Variants in CAMKMT observed in about 807,000 individuals in gnomAD.
CAMKMT encodes CaM KMT.
A neutral mutation model predicts 48.0 loss-of-function variants in CAMKMT; 53 were observed. The observed-to-expected ratio is 1.10, with a 90% confidence interval of 0.89 to 1.39. CAMKMT has a LOEUF of 1.39. Ranked by LOEUF, CAMKMT falls within the 40% of genes most tolerant of loss-of-function variation. The pLI, the probability that CAMKMT is intolerant of heterozygous loss-of-function variation, is 0.00. For synonymous variants in CAMKMT, 165 were observed against 152.3 expected (o/e 1.08, Z -0.61); for missense variants, 428 against 402.7 (o/e 1.06, Z -0.54).
At chr2:44,646,247 C>T (rs1673723004) in intron 3 of CAMKMT, among the ~76,000 whole-genome samples, 1 of 152,070 alleles carries the variant, frequency 6.6e-6, no homozygotes, top group African/African-American at 2.4e-5. Context: ...AATATGGATT[C>T]CAGCTAGCAG....
chr2:44,558,983 G>GGATAGATA lies in CAMKMT; in HGVS notation c.377-145283_377-145276dup, dbSNP rs57423310. 8.4e-4 allele frequency among the ~76,000 whole-genome samples: 127 copies of GGATAGATA among 151,598 alleles called. 1 individual carries two copies. The highest frequency in any genetic ancestry group is 2.9e-3 in the African/African-American group (120 of 41,192). ...TGTGTGTGTGTGTGTATGTATGTAT[G>GGATAGATA]GATAGATAGATAGATAGATAGATAA... On this transcript the variant is annotated intron_variant, in intron 3 of 10. Coordinates refer to ENST00000378494, the MANE Select transcript of CAMKMT (RefSeq NM_024766.5).
chr2:44,397,275 G>A (rs891170202), intron 3 of CAMKMT, among the ~76,000 whole-genome samples: 8 of 152,086 alleles, frequency 5.3e-5, no homozygotes, highest in African/African-American at 1.4e-4. Context: ...TTTGGGAATA[G>A]AAAATTTATA....
intron 3 of CAMKMT, among the ~76,000 whole-genome samples, chr2:44,606,477 C>T (rs575938577): frequency 3.3e-5 from 5 of 152,298 alleles, no homozygotes; most frequent in African/African-American, 2.4e-5. Context: ...GATCCACAGA[C>T]TGGTACTAGC....
intron 3 of CAMKMT, among the ~76,000 whole-genome samples, chr2:44,445,646 T>TTTTG (rs1666942988): frequency 6.6e-4 from 1 of 1,504 alleles, no homozygotes; most frequent in Admixed American, 8.9e-3. Context: ...AAAAGGGTAG[T>TTTTG]TTTTTTTTTT....
chr2:44,699,674 C>G (rs543614389), intron 3 of CAMKMT, among the ~76,000 whole-genome samples: 11 of 152,098 alleles, frequency 7.2e-5, no homozygotes, highest in African/African-American at 2.4e-4. Context: ...ATATTCAATC[C>G]TAGCCCACTA....
chr2:44,547,182 A>T (rs1244269071), intron 3 of CAMKMT, among the ~76,000 whole-genome samples: 5 of 152,212 alleles, frequency 3.3e-5, no homozygotes. Flanking sequence ...GACATTTTCC[A>T]GGTACACAAA....
At chr2:44,446,970 T>G (rs1667036834) in intron 3 of CAMKMT, among the ~76,000 whole-genome samples, 1 of 152,252 alleles carries the variant, frequency 6.6e-6, no homozygotes, top group Non-Finnish European at 1.5e-5. Context: ...TAGTCTATAC[T>G]TGATTACCCA....
rs61744230 is a variant in CAMKMT at position 44,372,799 on chromosome 2, A to T, written c.222A>T (p.Thr74=). ...RFESFNLFSV[T]EGKERETEEE... is the part of the protein sequence containing the mutation. ...AATCATTTAATCTGTTTTCAGTAAC[A>T]GAAGGCAAAGAAAGGGAAACTGAAG... Residue 74 remains threonine, a synonymous_variant, in exon 2 of 11, where the codon ACA becomes ACT. Transcript: ENST00000378494. The T allele has an allele frequency of 3.7e-6, 6 of 1,613,912 alleles. No homozygotes were observed. In the African/African-American group the frequency reaches 8.0e-5, roughly 22 times the overall value.
At chr2:44,604,558 G>GTTT (rs34125010) in intron 3 of CAMKMT, among the ~76,000 whole-genome samples, 8,773 of 143,290 alleles carry the variant, frequency 0.061, 284 homozygotes, top group Non-Finnish European at 0.071. Context: ...AGCCAATCTG[G>GTTT]TTTTTTTTTT....
intron 3 of CAMKMT, among the ~76,000 whole-genome samples, chr2:44,665,995 C>T (rs579119): frequency 0.64 from 97,212 of 152,040 alleles, 31,645 homozygotes; most frequent in Middle Eastern, 0.71. Flanking sequence ...AGGAAAAACA[C>T]GGAGATAATG....
intron 3 of CAMKMT, among the ~76,000 whole-genome samples, chr2:44,588,436 AG>A (rs1670035213): frequency 4.2e-3 from 2 of 476 alleles, no homozygotes; most frequent in Non-Finnish European, 7.1e-3. Context: ...GGGGGGGGTC[AG>A]GCCCCTGCCC....
intron 3 of CAMKMT, among the ~76,000 whole-genome samples, chr2:44,459,354 CCTT>C (rs1667736514): frequency 6.6e-6 from 1 of 151,744 alleles, no homozygotes; most frequent in South Asian, 2.1e-4. Context: ...ACATTAAATC[CCTT>C]CTTATTATGG....
chr2:44,635,459 C>T (rs149334243), intron 3 of CAMKMT, among the ~76,000 whole-genome samples: 164 of 152,018 alleles, frequency 1.1e-3, no homozygotes, highest in African/African-American at 3.8e-3. Flanking sequence ...TAAAATACAC[C>T]AAAAAATATA....
intron 3 of CAMKMT, among the ~76,000 whole-genome samples, chr2:44,461,347 A>T (rs1667840056): frequency 6.6e-6 from 1 of 152,150 alleles, no homozygotes; most frequent in African/African-American, 2.4e-5. Context: ...ATTAAAAAAA[A>T]CCTCTAAAGA....
Position 44,530,295 on chromosome 2 carries a change from A to G in CAMKMT, c.376+139990A>G, listed in dbSNP as rs141399831. ...GTATTATCTGTTATATAGCATATCAATAACAAGTGTGATGCTTTGAAAACA... is the reference window on the plus strand; with the variant it reads ...GTATTATCTGTTATATAGCATATCAGTAACAAGTGTGATGCTTTGAAAACA... On this transcript the variant is annotated intron_variant, in intron 3 of 10. Coordinates refer to ENST00000378494, the MANE Select transcript of CAMKMT (RefSeq NM_024766.5). Among the ~76,000 whole-genome samples the G allele has an allele frequency of 4.6e-5, 7 of 152,370 alleles. No individual in the cohort carries two copies. In the East Asian group the frequency reaches 7.7e-4, roughly 17 times the overall value.
intron 2 of CAMKMT, among the ~76,000 whole-genome samples, chr2:44,387,032 A>G (rs1431728080): frequency 6.6e-6 from 1 of 152,122 alleles, no homozygotes; most frequent in Non-Finnish European, 1.5e-5. Flanking sequence ...TGTTAAGTCC[A>G]TTTGTTCCAA....
At chr2:44,616,049 T>G (rs1259410646) in intron 3 of CAMKMT, among the ~76,000 whole-genome samples, 1 of 152,020 alleles carries the variant, frequency 6.6e-6, no homozygotes, top group Non-Finnish European at 1.5e-5. Flanking sequence ...AACCCAGAGG[T>G]CAGCCTGGAC....
chr2:44,423,529 C>T (rs2104516316), intron 3 of CAMKMT, among the ~76,000 whole-genome samples: 1 of 152,242 alleles, frequency 6.6e-6, no homozygotes, highest in East Asian at 1.9e-4. Flanking sequence ...TTCTCTGTCT[C>T]CTCCCTTTCT....
intron 3 of CAMKMT, chr2:44,550,661 A>G (rs1055029399): frequency 1.3e-5 from 2 of 152,178 alleles, no homozygotes; most frequent in Non-Finnish European, 2.9e-5. Context: ...ACCAAGATCT[A>G]TTGACCATCT....
Sources: allele counts gnomAD v4.1 joint callset (sites outside exome capture counted in the v4.1 genomes callset), GRCh38; gene constraint gnomAD v4.1.1; transcripts MANE v1.5; gene names NCBI Gene and HGNC (gene_info 2026-07-23, HGNC 2026-07-21).